ASNS: variants seen among roughly 807,000 people sequenced by gnomAD.
The protein encoded by ASNS is asparagine synthetase [glutamine-hydrolyzing].
A neutral mutation model predicts 62.6 loss-of-function variants in ASNS; 37 were observed. That is an observed-to-expected ratio of 0.59 (90% CI 0.45 to 0.78). The LOEUF (loss-of-function observed/expected upper bound fraction) is 0.78, where lower values mean the gene tolerates loss of function less well. Ranked by LOEUF, ASNS falls within the 30% of genes least tolerant of loss-of-function variation. ASNS has a pLI of 0.00. For missense variants in ASNS, 520 were observed against 682.4 expected, an observed-to-expected ratio of 0.76 and a Z score of 2.65; for synonymous variants, 207 against 237.9, an observed-to-expected ratio of 0.87 and a Z score of 1.19.
chr7:97,855,538 T>C (rs1791395728), intron 8 of ASNS, 79 bp from the exon 9 acceptor site: 1 of 1,060,062 alleles, frequency 9.4e-7, no homozygotes, highest in Non-Finnish European at 1.4e-6. Flanking sequence ...TTTTTGGAAA[T>C]AATTGAAAGC....
the ASNS span, among the ~76,000 whole-genome samples, chr7:97,899,391 G>A: frequency 9.9e-5 from 15 of 152,156 alleles, no homozygotes; most frequent in African/African-American, 3.6e-4. Context: ...CCAAAGCACT[G>A]GGATTTCAGG....
At chr7:97,920,129 T>G in the ASNS span, among the ~76,000 whole-genome samples, 1 of 152,244 alleles carries the variant, frequency 6.6e-6, no homozygotes, top group Non-Finnish European at 1.5e-5. Context: ...TGGCTCAGCT[T>G]CCCGAGTAGC....
intron 3 of ASNS, among the ~76,000 whole-genome samples, chr7:97,867,444 T>C (rs1792032909): frequency 6.6e-6 from 1 of 152,220 alleles, no homozygotes; most frequent in African/African-American, 2.4e-5. Context: ...CTTTTACAAA[T>C]ATAACATTTG....
chr7:97,861,225 G>A (rs1791702906), intron 4 of ASNS, among the ~76,000 whole-genome samples: 1 of 152,044 alleles, frequency 6.6e-6, no homozygotes, highest in Non-Finnish European at 1.5e-5. Context: ...TGTTAGCCAG[G>A]ATGGTCTCGA....
chr7:97,879,979 G>A, the ASNS span, among the ~76,000 whole-genome samples: 2 of 152,212 alleles, frequency 1.3e-5, no homozygotes, highest in Non-Finnish European at 2.9e-5. Context: ...CTGTGATGCT[G>A]TGATGATTGT....
At chr7:97,895,699 G>A in the ASNS span, among the ~76,000 whole-genome samples, 1 of 152,076 alleles carries the variant, frequency 6.6e-6, no homozygotes, top group East Asian at 1.9e-4. Flanking sequence ...GCTGAAGCAG[G>A]AGAATCGCTT....
rs145065490 is a variant in ASNS, at chr7:97,854,140, T to C, written c.1238+440A>G. Among the ~76,000 whole-genome samples, 873 of 152,346 alleles carry C rather than the reference T, an allele frequency of 5.7e-3. 10 individuals are homozygous for C. Among genetic ancestry groups the C allele is most frequent in the African/African-American group, 0.02 (816 of 41,576 alleles). On this transcript the variant is annotated intron_variant, in intron 10 of 12. Coordinates refer to ENST00000394308, the MANE Select transcript of ASNS (RefSeq NM_001673.5). ...CTTGTATCTTCACTACTCTATTCCC[T>C]CAGGGTCACTACAGCACCACATGGG...
chr7:97,868,035 C>T (rs975300939), intron 3 of ASNS, among the ~76,000 whole-genome samples: 7 of 152,134 alleles, frequency 4.6e-5, no homozygotes, highest in Non-Finnish European at 7.3e-5. Flanking sequence ...CAAACAAGAA[C>T]CAGCTATAAA....
At chr7:97,926,791 A>C in the ASNS span, among the ~76,000 whole-genome samples, 2 of 152,086 alleles carry the variant, frequency 1.3e-5, no homozygotes, top group Admixed American at 1.3e-4. Context: ...GTGGACCAAA[A>C]AATTCAGTGG....
chr7:97,889,388 G>A, the ASNS span, among the ~76,000 whole-genome samples: 1 of 152,238 alleles, frequency 6.6e-6, no homozygotes, highest in African/African-American at 2.4e-5. Context: ...ATGGTTGTAC[G>A]TGCCTATAGT....
chr7:97,862,439 T>C (rs567217862), intron 4 of ASNS, among the ~76,000 whole-genome samples: 2 of 152,198 alleles, frequency 1.3e-5, no homozygotes, highest in East Asian at 3.9e-4. Flanking sequence ...AGATCAGTAA[T>C]GACTGGGGGG....
the ASNS span, chr7:97,908,176 G>A: frequency 1.3e-5 from 2 of 152,094 alleles, no homozygotes; most frequent in South Asian, 4.2e-4. Context: ...AATTAATCAG[G>A]TCTAAAATTG....
upstream of ASNS, chr7:97,872,589 C>A (rs1236921253): frequency 6.6e-6 from 1 of 152,314 alleles, no homozygotes; most frequent in Non-Finnish European, 1.5e-5. Flanking sequence ...TTGTTTCCAG[C>A]GCCTTGCGTC....
At chr7:97,882,463 G>C in the ASNS span, among the ~76,000 whole-genome samples, 2 of 150,890 alleles carry the variant, frequency 1.3e-5, no homozygotes, top group Non-Finnish European at 1.5e-5. Flanking sequence ...CAGGAGAATC[G>C]CTTGAACCAG....
chr7:97,928,087 T>C, the ASNS span: 1 of 1,516,828 alleles, frequency 6.6e-7, no homozygotes, highest in African/African-American at 1.4e-5. Context: ...CTTACTCCTC[T>C]GCCGTCGCCA....
chr7:97,868,918 T>G lies in ASNS; in HGVS notation c.239A>C (p.Asn80Thr). The G allele has an allele frequency of 6.2e-7, 1 of 1,614,002 alleles. No individual in the cohort carries two copies. Residue 80 changes from asparagine to threonine, a missense_variant, in exon 3 of 13, where the codon AAC becomes ACC. Asn to Thr is a moderately conservative substitution (Grantham distance 65). Coordinates refer to ENST00000394308, the MANE Select transcript of ASNS (RefSeq NM_001673.5). ...LWLCYNGEIY[N>T]HKKMQQHFEF... The stretch of plus-strand genomic sequence containing the variant: ...TTTCTTTCTCCTCACCTTCTTATGG[T>G]TGTAGATTTCACCATTGTAACAGAG...
chr7:97,866,477 G>GCTA (rs1230184971), intron 3 of ASNS, among the ~76,000 whole-genome samples: 1 of 152,138 alleles, frequency 6.6e-6, no homozygotes, highest in Non-Finnish European at 1.5e-5. Context: ...GTTTGATTAG[G>GCTA]CTACTCCCCA....
chr7:97,925,922 C>G, the ASNS span, among the ~76,000 whole-genome samples: 17 of 152,150 alleles, frequency 1.1e-4, no homozygotes, highest in African/African-American at 4.1e-4. Flanking sequence ...TGGGATCATT[C>G]ACAAGCGGTC....
the ASNS span, among the ~76,000 whole-genome samples, chr7:97,894,006 A>T: frequency 6.6e-6 from 1 of 152,424 alleles, no homozygotes; most frequent in East Asian, 1.9e-4. Context: ...AATTTTAAAA[A>T]TTAAAATCAT....
Sources: allele counts gnomAD v4.1 joint callset (sites outside exome capture counted in the v4.1 genomes callset), GRCh38; gene constraint gnomAD v4.1.1; transcripts MANE v1.5; gene names NCBI Gene and HGNC (gene_info 2026-07-23, HGNC 2026-07-21).